OGA: variants seen among roughly 807,000 people sequenced by gnomAD.
OGA encodes O-GlcNAcase, also known as protein O-GlcNAcase.
A neutral mutation model predicts 102.0 loss-of-function variants in OGA; 21 were observed. The ratio of observed to expected loss-of-function variants is 0.21; its 90% confidence interval spans 0.15 to 0.30. The LOEUF is 0.30. Ranked by LOEUF, OGA falls within the 10% of genes least tolerant of loss-of-function variation. The pLI is 1.00. For missense variants in OGA, 765 were observed against 1,107.8 expected (o/e 0.69, Z 4.39); for synonymous variants, 408 against 378.2 (o/e 1.08, Z -0.91).
chr10:101,789,833 C>A (rs1034523120), intron 14 of OGA, among the ~76,000 whole-genome samples: 1 of 152,058 alleles, frequency 6.6e-6, no homozygotes, highest in African/African-American at 2.4e-5. Context: ...AAAAAGTTAG[C>A]TGATGCGTAG....
chr10:101,809,513 C>T (rs559445910), intron 4 of OGA, among the ~76,000 whole-genome samples: 3 of 152,044 alleles, frequency 2.0e-5, no homozygotes, highest in East Asian at 1.9e-4. Flanking sequence ...GTCAGGAGTT[C>T]GAGACCAGCC....
At chr10:101,817,748 A>G in intron 1 of OGA, 76 bp downstream of exon 1, 1 of 1,490,952 alleles carries the variant, frequency 6.7e-7, no homozygotes, top group Non-Finnish European at 9.0e-7. Context: ...TAGAGTCTCC[A>G]AAATCCCCGC....
rs2065177461 is a variant in OGA at position 101,784,952 on chromosome 10, C to T, written c.*1499G>A. The T allele has an allele frequency of 6.6e-6, 1 of 152,210 alleles. No homozygotes were observed. The highest frequency in any genetic ancestry group is 2.1e-4 in the South Asian group (1 of 4,824). 9.4% of individuals were successfully genotyped at this position (152,210 alleles called of 1,614,324 possible). On this transcript the variant is annotated 3_prime_UTR_variant, in exon 16 of 16. Transcript: ENST00000361464. ...TTTCTTCTCACCTATTTAGTGCATA[C>T]TCAAAGGCTTTGGTTGGAAGTCACT...
At chr10:101,811,487 G>C (rs2065557926) in intron 3 of OGA, among the ~76,000 whole-genome samples, 1 of 146,318 alleles carries the variant, frequency 6.8e-6, no homozygotes, top group Non-Finnish European at 1.5e-5. Context: ...TTGACTGCTT[G>C]AGTTCAGGAG....
intron 1 of OGA, among the ~76,000 whole-genome samples, chr10:101,815,903 T>C (rs763067773): frequency 8.7e-5 from 12 of 137,288 alleles, no homozygotes; most frequent in South Asian, 2.2e-4. Flanking sequence ...GCAGTAACTA[T>C]AGTATTTCTA....
intron 11 of OGA, 31 bp from the exon 12 acceptor site, chr10:101,792,974 G>T (rs767197658): frequency 1.3e-6 from 2 of 1,560,436 alleles, no homozygotes; most frequent in Admixed American, 3.3e-5. Context: ...AGATGGATTA[G>T]TTTGGGGAAG....
At chr10:101,811,116 C>T (rs2065548777) in intron 3 of OGA, among the ~76,000 whole-genome samples, 1 of 151,674 alleles carries the variant, frequency 6.6e-6, no homozygotes, top group South Asian at 2.1e-4. Context: ...TAGGCCAGGC[C>T]CAATGGCTCA....
chr10:101,800,431 A>C (rs1201230194), intron 7 of OGA, 31 bp from the exon 8 acceptor site: 3 of 1,567,724 alleles, frequency 1.9e-6, no homozygotes, highest in Non-Finnish European at 2.6e-6. Flanking sequence ...AAGCACAAAA[A>C]TAGTTTTGAT....
At chr10:101,813,649 G>T (rs376069283) in intron 1 of OGA, 43 bp from the exon 2 acceptor site, 97 of 1,279,764 alleles carry the variant, frequency 7.6e-5, no homozygotes, top group Non-Finnish European at 1.0e-4. Context: ...GTTTTAAAAT[G>T]TGGTAAGCTT....
At chr10:101,797,726 G>C (rs1254945776) in intron 10 of OGA, 3 of 586,500 alleles carry the variant, frequency 5.1e-6, no homozygotes, top group Non-Finnish European at 6.0e-6. Flanking sequence ...GCAAGTTAAA[G>C]TCAGTACTTT....
rs2065669652 is a variant in OGA at position 101,818,275 on chromosome 10, G to A, written c.-253C>T. On this transcript the variant is annotated 5_prime_UTR_variant, in exon 1 of 16. Transcript: ENST00000361464. ...AGCTGGGGCGCCAGAAGCCTAAGCG[G>A]AGAGCGAGGCTGTGACCTCTCGTTC... is the stretch of plus-strand genomic sequence containing the variant. The A allele has an allele frequency of 7.8e-7, 1 of 1,288,822 alleles. No homozygotes were observed. The highest frequency in any genetic ancestry group is 9.8e-7 in the Non-Finnish European group (1 of 1,017,658). The allele number at this position is 1,288,822 out of a possible 1,614,324, so 79.8% of individuals were successfully genotyped here.
intron 12 of OGA, 37 bp downstream of exon 12, chr10:101,792,802 A>C (rs2065274229): frequency 7.0e-7 from 1 of 1,425,032 alleles, no homozygotes; most frequent in African/African-American, 1.4e-5. Flanking sequence ...TGTGCACCAT[A>C]CCCATACACC....
At chr10:101,795,596 G>C (rs2065304543) in intron 10 of OGA, among the ~76,000 whole-genome samples, 1 of 152,150 alleles carries the variant, frequency 6.6e-6, no homozygotes, top group Non-Finnish European at 1.5e-5. Flanking sequence ...AAAAGGAAGG[G>C]TTCCAATCAG....
At chr10:101,789,465 TC>T (rs2065231031) in intron 14 of OGA, among the ~76,000 whole-genome samples, 1 of 152,040 alleles carries the variant, frequency 6.6e-6, no homozygotes, top group Non-Finnish European at 1.5e-5. Context: ...GTCACTGCAC[TC>T]CAGCCTGGGC....
chr10:101,800,456 G>T, intron 7 of OGA, 56 bp from the exon 8 acceptor site: 1 of 1,386,090 alleles, frequency 7.2e-7, no homozygotes, highest in African/African-American at 1.4e-5. Flanking sequence ...AAAGCCTTCT[G>T]ACAAGTGAGA....
chr10:101,802,017 C>T (rs1442952286), intron 7 of OGA, among the ~76,000 whole-genome samples: 1 of 152,046 alleles, frequency 6.6e-6, no homozygotes, highest in East Asian at 1.9e-4. Flanking sequence ...GGGTGGTGTG[C>T]GCCAGTAATC....
chr10:101,799,608 G>C (rs2065362943), intron 8 of OGA, among the ~76,000 whole-genome samples, 153 bp from the exon 9 acceptor site: 1 of 152,282 alleles, frequency 6.6e-6, no homozygotes, highest in East Asian at 1.9e-4. Flanking sequence ...AGAAAAATGA[G>C]ATTTCTCTAT....
At position 101,803,874 on chromosome 10, in the gene OGA, T is replaced by C. The variant is rs138655144; in HGVS notation, c.897A>G (p.Arg299=). The change falls in exon 7 of 16, where the codon AGA becomes AGG. Residue 299 remains arginine, a synonymous_variant. Transcript: ENST00000361464. The stretch of plus-strand genomic sequence containing the variant: ...TTAACCGTGGGATGAGTTCTGTGGA[T>C]CTTCCTTTGTACGGGCCCAGAAACA... ...KRLFLGPYKG[R]STELIPRLKG... is the part of the protein sequence containing the mutation. 4.3e-6 allele frequency: 7 copies of C among 1,614,246 alleles called. No homozygotes were observed. The highest frequency in any genetic ancestry group is 5.9e-6 in the Non-Finnish European group (7 of 1,180,044).
rs2065287743 is a variant in OGA, at chr10:101,793,992, C to T, written c.1991G>A (p.Arg664His). 1.2e-6 allele frequency: 2 copies of T among 1,612,822 alleles called. No individual in the cohort carries two copies. Among genetic ancestry groups the T allele is most frequent in the Non-Finnish European group, 1.7e-6 (2 of 1,178,980 alleles). Reference protein sequence around the residue: ...VKSFVQWLGCRSHSSAQFLIG... With the variant: ...VKSFVQWLGCHSHSSAQFLIG... ...TAAGAATTGTGCTGAAGAATGACTACGACACCCTGTTGAGATCAGATCCAA... is the reference window on the plus strand; with the variant it reads ...TAAGAATTGTGCTGAAGAATGACTATGACACCCTGTTGAGATCAGATCCAA... Residue 664 changes from arginine (R) to histidine (H), a missense_variant, in exon 11 of 16, where the codon CGT becomes CAT. This residue lies in a region of OGA where 10 missense variants were observed against 47.8 expected (regional missense o/e 0.21). Coordinates refer to ENST00000361464, the MANE Select transcript of OGA (RefSeq NM_012215.5).
Sources: gnomAD v4.1 joint callset for allele counts (sites outside exome capture counted in the v4.1 genomes callset) on GRCh38, gnomAD v4.1.1 for gene constraint, gnomAD v4.1.1 regional missense constraint, MANE v1.5 for transcripts, NCBI Gene and HGNC (gene_info 2026-07-23, HGNC 2026-07-21) for gene names.